Variants in ABCA13 observed in about 807,000 individuals in gnomAD.
The protein encoded by ABCA13 is ATP-binding cassette sub-family A member 13.
A neutral mutation model predicts 478.7 loss-of-function variants in ABCA13; 476 were observed. That is an observed-to-expected ratio of 0.99 (90% CI 0.92 to 1.07). The LOEUF (loss-of-function observed/expected upper bound fraction) is 1.07. Among genes scored for constraint, ABCA13 ranks in the 50% least tolerant of loss-of-function variants. The probability of loss-of-function intolerance (pLI) is 0.00; values close to 1 mark genes in which losing one functional copy is unlikely to be tolerated. For missense variants in ABCA13, 6,060 were observed against 5,910.6 expected, an observed-to-expected ratio of 1.03 and a Z score of -0.83; for synonymous variants, 2,252 against 2,158.9, an observed-to-expected ratio of 1.04 and a Z score of -1.20.
Position 48,227,265 on chromosome 7 carries a change from GATCTCAATAAGACCGAGGAGGTAATATT to G in ABCA13, c.473_500del (p.Asp158GlyfsTer37). ...GGTGTATTTTTTTTCCCATCAGATG[GATCTCAATAAGACCGAGGAGGTAATATT>G]GAAACTGGAAAGCCTCCATCAGCAG... On this transcript the variant is annotated frameshift_variant, in exon 6 of 62. Transcript: ENST00000435803. LOFTEE classifies it high-confidence loss of function. 1 of 1,613,130 alleles carries G rather than the reference GATCTCAATAAGACCGAGGAGGTAATATT, an allele frequency of 6.2e-7. No homozygotes were observed.
chr7:48,281,373 G>T lies in ABCA13; in HGVS notation c.8757G>T (p.Gln2919His). 6.2e-7 allele frequency: 1 copy of T among 1,608,844 alleles called. No individual in the cohort carries two copies. The highest frequency in any genetic ancestry group is 1.3e-5 in the African/African-American group (1 of 75,004). Residue 2919 changes from glutamine to histidine, a missense_variant, in exon 19 of 62, where the codon CAG becomes CAT. Physicochemically the swap from Gln to His is conservative, Grantham distance 24. Transcript: ENST00000435803. Reference sequence around the variant, plus strand: ...TTGAGATTTGTGAAGTTTTCCAGCAGACTGTGAAGCCCTCAGAAGCCATGG... The same window carrying T: ...TTGAGATTTGTGAAGTTTTCCAGCATACTGTGAAGCCCTCAGAAGCCATGG... ...SVVEICEVFQ[Q>H]TVKPSEAMEM...
chr7:48,544,507 G>C (rs73109341), intron 55 of ABCA13, among the ~76,000 whole-genome samples: 2,906 of 150,296 alleles, frequency 0.019, 94 homozygotes, highest in Non-Finnish European at 0.03. Flanking sequence ...ATTCAACCAT[G>C]CCTCTGTAAA....
intron 48 of ABCA13, among the ~76,000 whole-genome samples, chr7:48,491,915 G>A (rs973997827): frequency 3.9e-5 from 6 of 152,156 alleles, no homozygotes; most frequent in Admixed American, 2.6e-4. Context: ...CTCCCTGTTC[G>A]TCTCAGCAGT....
intron 55 of ABCA13, among the ~76,000 whole-genome samples, chr7:48,577,516 T>A (rs1788297547): frequency 6.6e-6 from 1 of 151,966 alleles, no homozygotes; most frequent in South Asian, 2.1e-4. Context: ...AAGACACAAT[T>A]TACCCAAACA....
chr7:48,216,663 C>T (rs546220576), intron 3 of ABCA13, among the ~76,000 whole-genome samples: 1 of 152,270 alleles, frequency 6.6e-6, no homozygotes, highest in Non-Finnish European at 1.5e-5. Flanking sequence ...CTCAGCCTAA[C>T]CTTCAATCAT....
At chr7:48,543,827 G>A (rs1784572841) in intron 55 of ABCA13, among the ~76,000 whole-genome samples, 1 of 151,110 alleles carries the variant, frequency 6.6e-6, no homozygotes, top group South Asian at 2.1e-4. Context: ...GTATAGTAAA[G>A]TGGACACTGT....
intron 37 of ABCA13, among the ~76,000 whole-genome samples, chr7:48,391,184 T>G (rs2129055271): frequency 6.6e-6 from 1 of 152,280 alleles, no homozygotes; most frequent in Admixed American, 6.5e-5. Context: ...GAAGACTGGC[T>G]CCAGGGTTGG....
intron 48 of ABCA13, among the ~76,000 whole-genome samples, chr7:48,498,579 C>T (rs1830471396): frequency 1.3e-5 from 2 of 152,030 alleles, no homozygotes; most frequent in Admixed American, 1.3e-4. Flanking sequence ...CTATCTCTGA[C>T]ATATTAGCCA....
intron 48 of ABCA13, among the ~76,000 whole-genome samples, chr7:48,503,198 C>T (rs1830908735): frequency 6.6e-6 from 1 of 152,130 alleles, no homozygotes; most frequent in South Asian, 2.1e-4. Context: ...GCAGTCCTCC[C>T]ACCTCAGCCT....
intron 27 of ABCA13, among the ~76,000 whole-genome samples, chr7:48,323,271 TC>T (rs1308518800): frequency 6.6e-6 from 1 of 152,186 alleles, no homozygotes; most frequent in Non-Finnish European, 1.5e-5. Context: ...TTGGCCACCG[TC>T]CCCAGTGCCT....
intron 35 of ABCA13, among the ~76,000 whole-genome samples, 166 bp from the exon 36 acceptor site, chr7:48,387,656 C>G (rs1815393873): frequency 6.6e-6 from 1 of 152,110 alleles, no homozygotes; most frequent in Non-Finnish European, 1.5e-5. Context: ...TAGGGCTCCA[C>G]TGCAAAACTA....
Position 48,234,175 on chromosome 7 carries a change from A to G in ABCA13, c.897+24A>G, listed in dbSNP as rs114914138. The G allele has an allele frequency of 4.2e-3, 6,832 of 1,612,854 alleles. 268 individuals carry two copies. The African/African-American group carries it at 0.081, about 19-fold the overall frequency. On this transcript the variant is annotated intron_variant, in intron 8 of 61. Transcript: ENST00000435803. ...AGGTACACATGCTTGACTGCTTCTC[A>G]CACCGCTGGGCCTTTCCTGGAGACT...
At chr7:48,469,348 GC>G (rs1391372264) in intron 44 of ABCA13, among the ~76,000 whole-genome samples, 1 of 152,124 alleles carries the variant, frequency 6.6e-6, no homozygotes, top group African/African-American at 2.4e-5. Context: ...GAAAGTTGAG[GC>G]CATGGATCAG....
At position 48,248,441 on chromosome 7, in the gene ABCA13, C is replaced by T. The variant is rs768844298; in HGVS notation, c.1862C>T (p.Thr621Ile). 4 of 1,598,714 alleles carry T rather than the reference C, an allele frequency of 2.5e-6. No individual in the cohort carries two copies. Among genetic ancestry groups the T allele is most frequent in the East Asian group, 4.5e-5 (2 of 44,736 alleles). ...SSDCKHQLVSTVIFHTLEKTQ... is the reference protein window; with the variant it reads ...SSDCKHQLVSIVIFHTLEKTQ... ...GACTGTAAGCACCAGCTTGTCTCCA[C>T]AGTGTAAGTACATGTTTGGTGGGAA... is the stretch of plus-strand genomic sequence containing the variant. Residue 621 changes from threonine (T) to isoleucine (I), a missense_variant, in exon 14 of 62, where the codon ACA (threonine) becomes ATA (isoleucine). This residue lies in a region of ABCA13 where 4,423 missense variants were observed against 4,309.1 expected (regional missense o/e 1.03). Coordinates refer to ENST00000435803, the MANE Select transcript of ABCA13 (RefSeq NM_152701.5).
rs761130903 is a variant in ABCA13, at chr7:48,403,781, T to C, written c.11972T>C (p.Met3991Thr). The C allele has an allele frequency of 3.1e-6, 5 of 1,614,020 alleles. No individual in the cohort carries two copies. Residue 3991 changes from methionine (M) to threonine (T), a missense_variant, in exon 39 of 62, where the codon ATG (methionine) becomes ACG (threonine). Physicochemically the swap from Met to Thr is moderately conservative, Grantham distance 81. Transcript: ENST00000435803. ...KRKLSLGIAF[M>T]GMSRTVVLDE... is the part of the protein sequence containing the mutation. Reference sequence around the variant, plus strand: ...AAGCTCTCCCTTGGCATTGCTTTCATGGGCATGTCGAGGACCGTGGTTCTG... The same window carrying C: ...AAGCTCTCCCTTGGCATTGCTTTCACGGGCATGTCGAGGACCGTGGTTCTG...
At chr7:48,557,771 A>G (rs1785996431) in intron 55 of ABCA13, among the ~76,000 whole-genome samples, 3 of 152,154 alleles carry the variant, frequency 2.0e-5, no homozygotes, top group Admixed American at 2.0e-4. Context: ...GGCAATTAAA[A>G]GTAATTACCA....
At chr7:48,214,304 T>C (rs1786112837) in intron 3 of ABCA13, among the ~76,000 whole-genome samples, 1 of 152,174 alleles carries the variant, frequency 6.6e-6, no homozygotes, top group Non-Finnish European at 1.5e-5. Context: ...TGATATTCCA[T>C]TTATAGAGCA....
chr7:48,397,705 C>T (rs1337920277), intron 38 of ABCA13, among the ~76,000 whole-genome samples: 1 of 152,042 alleles, frequency 6.6e-6, no homozygotes, highest in Non-Finnish European at 1.5e-5. Context: ...AATTGAAATT[C>T]GTGCCTGTGT....
rs778024646 is a variant in ABCA13 at position 48,278,909 on chromosome 7, A to T, written c.7715A>T (p.Glu2572Val). ...CAAAGTGTTCAAAATCTTGTGAAAG[A>T]AATAGCTACTTTAAAAAAAATAGAT... ...MQQSVQNLVK[E>V]IATLKKIDHF... is the part of the protein sequence containing the mutation. The change falls in exon 18 of 62, where the codon GAA (glutamate) becomes GTA (valine). Residue 2572 changes from glutamate (E) to valine (V), a missense_variant. Glu to Val is a moderately radical substitution (Grantham distance 121). This residue lies in a region of ABCA13 where 4,423 missense variants were observed against 4,309.1 expected (regional missense o/e 1.03). Coordinates refer to ENST00000435803, the MANE Select transcript of ABCA13 (RefSeq NM_152701.5). 3.1e-6 allele frequency: 5 copies of T among 1,613,208 alleles called. No individual in the cohort carries two copies. Among genetic ancestry groups the T allele is most frequent in the Non-Finnish European group, 4.2e-6 (5 of 1,179,862 alleles).
Sources: gnomAD v4.1 joint callset for allele counts (sites outside exome capture counted in the v4.1 genomes callset) on GRCh38, gnomAD v4.1.1 for gene constraint, gnomAD v4.1.1 regional missense constraint, MANE v1.5 for transcripts, NCBI Gene and HGNC (gene_info 2026-07-23, HGNC 2026-07-21) for gene names.